Variants in PPP1R16B observed in about 807,000 individuals in gnomAD.
PPP1R16B encodes protein phosphatase 1 regulatory subunit 16B, also known as protein phosphatase 1 regulatory inhibitor subunit 16B.
PPP1R16B carries 14 observed loss-of-function variants against 61.7 expected under a neutral mutation model. That is an observed-to-expected ratio of 0.23 (90% CI 0.15 to 0.35). PPP1R16B has a LOEUF of 0.35. Ranked by LOEUF, PPP1R16B falls within the 10% of genes least tolerant of loss-of-function variation. The pLI is 1.00. For missense variants in PPP1R16B, 547 were observed against 752.5 expected (o/e 0.73, Z 3.19); for synonymous variants, 266 against 305.3 (o/e 0.87, Z 1.34).
In PPP1R16B at chr20:38,826,106, A is replaced by G. The variant is rs148978952; in HGVS notation, c.-101-9719A>G. 2.9e-3 allele frequency among the ~76,000 whole-genome samples: 438 copies of G among 152,246 alleles called. 2 individuals carry two copies. The highest frequency in any genetic ancestry group is 1.0e-2 in the African/African-American group (414 of 41,532). On this transcript the variant is annotated intron_variant, in intron 1 of 10. Coordinates refer to ENST00000299824, the MANE Select transcript of PPP1R16B (RefSeq NM_015568.4). ...TACCCGATGTGAAGGGCCATCCCCAATTTAATAACTGTGTAACCCAGGAGT... is the reference window on the plus strand; with the variant it reads ...TACCCGATGTGAAGGGCCATCCCCAGTTTAATAACTGTGTAACCCAGGAGT...
intron 1 of PPP1R16B, among the ~76,000 whole-genome samples, chr20:38,828,569 C>T (rs1487708923): frequency 5.9e-5 from 9 of 152,226 alleles, no homozygotes; most frequent in Non-Finnish European, 1.5e-5. Context: ...CCTCTGGTGA[C>T]CGCCAAGCAT....
In PPP1R16B at chr20:38,851,958, AT is replaced by A. The variant is rs996363023; in HGVS notation, c.250+15784del. Among the ~76,000 whole-genome samples, 7 of 152,286 alleles carry A rather than the reference AT, an allele frequency of 4.6e-5. No individual in the cohort carries two copies. The East Asian group carries it at 5.8e-4, about 13-fold the overall frequency. ...TGAGGCCGGAGAATTGCTTAAGCCC[AT>A]GTGGGCAAGGCTGCAGTAAGTCACA... On this transcript the variant is annotated intron_variant, in intron 2 of 10. Coordinates refer to ENST00000299824, the MANE Select transcript of PPP1R16B (RefSeq NM_015568.4).
rs1273269350 is a variant in PPP1R16B, at chr20:38,895,556, C to G, written c.322-9C>G. On this transcript the variant is annotated splice_polypyrimidine_tract_variant and intron_variant, in intron 3 of 10. Transcript: ENST00000299824. ...CCTGGAGCTGACTCTGCCTGTGTGT[C>G]TCTCCCAGTGCTGCATCGACAACTT... 16 of 1,613,316 alleles carry G rather than the reference C, an allele frequency of 9.9e-6. No homozygotes were observed. The highest frequency in any genetic ancestry group is 1.4e-5 in the Non-Finnish European group (16 of 1,179,378).
At chr20:38,867,048 T>A (rs2085095362) in intron 2 of PPP1R16B, among the ~76,000 whole-genome samples, 2 of 152,228 alleles carry the variant, frequency 1.3e-5, no homozygotes, top group Non-Finnish European at 2.9e-5. Context: ...GCGTAATGTT[T>A]TTCGGGTTCA....
chr20:38,836,017 C>A lies in PPP1R16B; in HGVS notation c.92C>A (p.Ala31Asp), dbSNP rs1280060316. Reference protein sequence around the residue: ...ERLRAAQKRRAQQLKKWAQYE... With the variant: ...ERLRAAQKRRDQQLKKWAQYE... ...CTGCGGGCTGCCCAGAAGCGCCGGGCCCAGCAGCTGAAGAAATGGGCACAG... is the reference window on the plus strand; with the variant it reads ...CTGCGGGCTGCCCAGAAGCGCCGGGACCAGCAGCTGAAGAAATGGGCACAG... Residue 31 changes from alanine (A) to aspartate (D), a missense_variant, in exon 2 of 11, where the codon GCC (alanine) becomes GAC (aspartate). By Grantham distance (126) the Ala-to-Asp change is moderately radical. Coordinates refer to ENST00000299824, the MANE Select transcript of PPP1R16B (RefSeq NM_015568.4). 1 of 1,591,410 alleles carries A rather than the reference C, an allele frequency of 6.3e-7. No homozygotes were observed. The highest frequency in any genetic ancestry group is 1.7e-4 in the Middle Eastern group (1 of 5,986).
chr20:38,908,631 G>A (rs1246588643), intron 10 of PPP1R16B, among the ~76,000 whole-genome samples: 1 of 152,202 alleles, frequency 6.6e-6, no homozygotes, highest in African/African-American at 2.4e-5. Flanking sequence ...ATCAGAACAT[G>A]TTTTTTGAAA....
At chr20:38,858,426 T>C (rs907833434) in intron 2 of PPP1R16B, among the ~76,000 whole-genome samples, 19 of 152,178 alleles carry the variant, frequency 1.2e-4, no homozygotes, top group African/African-American at 4.3e-4. Context: ...GAAACTTTAC[T>C]GCTGATTGGA....
intron 10 of PPP1R16B, among the ~76,000 whole-genome samples, chr20:38,912,815 A>T (rs2145784887): frequency 6.6e-6 from 1 of 152,330 alleles, no homozygotes; most frequent in South Asian, 2.1e-4. Context: ...ATTTCTTCCA[A>T]GGCTGTGCCC....
chr20:38,851,795 A>G (rs1401936970), intron 2 of PPP1R16B, among the ~76,000 whole-genome samples: 2 of 152,232 alleles, frequency 1.3e-5, no homozygotes, highest in Admixed American at 1.3e-4. Context: ...CCAAGACAGG[A>G]GGATCACTTG....
At chr20:38,827,816 C>G (rs2084813825) in intron 1 of PPP1R16B, among the ~76,000 whole-genome samples, 1 of 151,988 alleles carries the variant, frequency 6.6e-6, no homozygotes. Context: ...CGCTATTATT[C>G]AAAGAAGTGT....
Position 38,907,463 on chromosome 20 carries a change from A to G in PPP1R16B, c.899-343A>G, listed in dbSNP as rs1261957348. On this transcript the variant is annotated intron_variant, in intron 8 of 10. Coordinates refer to ENST00000299824, the MANE Select transcript of PPP1R16B (RefSeq NM_015568.4). The surrounding 1 kb of genome is among the most constrained non-coding windows in gnomAD (Gnocchi z 4.5). ...TTAGGTAGAATAGATGGGAGTATGT[A>G]GCTTTATTAGCATCTTTGCATAATT... Among the ~76,000 whole-genome samples, 1 of 152,200 alleles carries G rather than the reference A, an allele frequency of 6.6e-6. No homozygotes were observed. The highest frequency in any genetic ancestry group is 2.4e-5 in the African/African-American group (1 of 41,436).
chr20:38,869,944 G>A (rs2085115979), intron 2 of PPP1R16B, among the ~76,000 whole-genome samples: 2 of 149,284 alleles, frequency 1.3e-5, no homozygotes, highest in Admixed American at 1.4e-4. Flanking sequence ...TTTTTTTTAA[G>A]ACACGGTCTC....
At chr20:38,813,890 G>C (rs149432655) in intron 1 of PPP1R16B, among the ~76,000 whole-genome samples, 2 of 151,526 alleles carry the variant, frequency 1.3e-5, no homozygotes, top group East Asian at 3.9e-4. Context: ...TCTGCTTCCC[G>C]GGTTCAAGTG....
intron 10 of PPP1R16B, among the ~76,000 whole-genome samples, chr20:38,915,590 T>A (rs986034642): frequency 2.0e-5 from 3 of 152,184 alleles, no homozygotes; most frequent in Non-Finnish European, 4.4e-5. Context: ...GTTCAAACAA[T>A]TATCCTGCCT....
intron 10 of PPP1R16B, among the ~76,000 whole-genome samples, chr20:38,917,672 G>A (rs1016796378): frequency 1.3e-5 from 2 of 152,178 alleles, no homozygotes; most frequent in African/African-American, 4.8e-5. Flanking sequence ...TCTGAGCCTG[G>A]AAGGATCCTG....
intron 2 of PPP1R16B, among the ~76,000 whole-genome samples, chr20:38,887,819 G>C (rs1470556803): frequency 6.6e-6 from 1 of 152,192 alleles, no homozygotes; most frequent in African/African-American, 2.4e-5. Flanking sequence ...CTCTTACTGG[G>C]TGGTGACCTC....
intron 2 of PPP1R16B, among the ~76,000 whole-genome samples, chr20:38,887,166 G>T (rs567247303): frequency 6.6e-6 from 1 of 151,572 alleles, no homozygotes; most frequent in South Asian, 2.1e-4. Flanking sequence ...CCCAGGCAAT[G>T]GGAACAGACT....
intron 1 of PPP1R16B, among the ~76,000 whole-genome samples, chr20:38,820,939 G>A (rs2084769427): frequency 6.6e-6 from 1 of 151,512 alleles, no homozygotes; most frequent in Non-Finnish European, 1.5e-5. Context: ...TACTCAGGAG[G>A]CTGAGGCAGG....
chr20:38,848,772 C>A (rs1226314662), intron 2 of PPP1R16B, among the ~76,000 whole-genome samples: 1 of 152,102 alleles, frequency 6.6e-6, no homozygotes, highest in Non-Finnish European at 1.5e-5. Context: ...AACACATGGA[C>A]ACATAGAGGG....
Sources: allele counts gnomAD v4.1 joint callset (sites outside exome capture counted in the v4.1 genomes callset), GRCh38; gene constraint gnomAD v4.1.1; non-coding constraint Gnocchi (gnomAD v3.1); transcripts MANE v1.5; gene names NCBI Gene and HGNC (gene_info 2026-07-23, HGNC 2026-07-21).